ARHGAP24: variants seen among roughly 807,000 people sequenced by gnomAD.
ARHGAP24 encodes rho GTPase-activating protein 24.
In ARHGAP24, 50 loss-of-function variants were observed where a neutral mutation model predicts 76.4. That is an observed-to-expected ratio of 0.65 (90% CI 0.52 to 0.83). ARHGAP24 has a LOEUF of 0.83. ARHGAP24 is among the 40% of genes least tolerant of loss of function. ARHGAP24 has a pLI of 0.00. For synonymous variants in ARHGAP24, 345 were observed against 323.3 expected (o/e 1.07, Z -0.72); for missense variants, 930 against 914.2 (o/e 1.02, Z -0.22).
chr4:85,522,760 G>T (rs879032912), intron 1 of ARHGAP24, among the ~76,000 whole-genome samples: 2 of 152,090 alleles, frequency 1.3e-5, no homozygotes, highest in African/African-American at 4.8e-5. Context: ...TAAAACTCCT[G>T]CCTGTTTTGC....
At chr4:85,489,088 C>A (rs1206162446) in intron 1 of ARHGAP24, among the ~76,000 whole-genome samples, 2 of 152,126 alleles carry the variant, frequency 1.3e-5, no homozygotes, top group East Asian at 3.8e-4. Flanking sequence ...ATTAATTCAG[C>A]CTTCAAACCA....
chr4:85,835,105 G>A (rs1213498922), intron 3 of ARHGAP24, among the ~76,000 whole-genome samples: 1 of 152,102 alleles, frequency 6.6e-6, no homozygotes, highest in Non-Finnish European at 1.5e-5. Context: ...CATGTTTGCT[G>A]TCAGTCTGAT....
chr4:85,717,268 G>A (rs895646903), intron 2 of ARHGAP24, among the ~76,000 whole-genome samples: 5 of 152,016 alleles, frequency 3.3e-5, no homozygotes, highest in Non-Finnish European at 7.4e-5. Context: ...TTTAAGCTAT[G>A]ACTAGTTTCT....
chr4:85,618,401 AT>A (rs1371556783), intron 2 of ARHGAP24, among the ~76,000 whole-genome samples: 6 of 152,148 alleles, frequency 3.9e-5, no homozygotes, highest in African/African-American at 1.4e-4. Flanking sequence ...TCACAAGTTG[AT>A]TCCATATCCT....
At chr4:85,476,959 C>T (rs1435833580) in intron 1 of ARHGAP24, among the ~76,000 whole-genome samples, 1 of 152,138 alleles carries the variant, frequency 6.6e-6, no homozygotes, top group Non-Finnish European at 1.5e-5. Flanking sequence ...GTAGCAAGTC[C>T]AGAAATCTGT....
intron 3 of ARHGAP24, among the ~76,000 whole-genome samples, chr4:85,783,956 G>A (rs1484626775): frequency 6.6e-6 from 1 of 152,066 alleles, no homozygotes; most frequent in Non-Finnish European, 1.5e-5. Flanking sequence ...TCTTCTACAT[G>A]AAACAAACAA....
chr4:85,966,391 T>A (rs577260422), intron 5 of ARHGAP24, among the ~76,000 whole-genome samples: 1 of 152,180 alleles, frequency 6.6e-6, no homozygotes, highest in Non-Finnish European at 1.5e-5. Context: ...ACTAGTTCAA[T>A]GTAGTCCAGC....
At chr4:85,657,030 T>G (rs568782448) in intron 2 of ARHGAP24, among the ~76,000 whole-genome samples, 87 of 152,150 alleles carry the variant, frequency 5.7e-4, no homozygotes, top group Non-Finnish European at 2.9e-4. Flanking sequence ...ATTATAAAAA[T>G]GTAACATTGC....
intron 5 of ARHGAP24, among the ~76,000 whole-genome samples, chr4:85,945,889 A>T (rs1165248015): frequency 6.6e-6 from 1 of 152,010 alleles, no homozygotes; most frequent in Non-Finnish European, 1.5e-5. Context: ...ACTATTCTGT[A>T]TTGGTCTGTT....
chr4:85,802,389 A>C (rs1304442646), intron 3 of ARHGAP24, among the ~76,000 whole-genome samples: 2 of 152,238 alleles, frequency 1.3e-5, no homozygotes, highest in African/African-American at 4.8e-5. Flanking sequence ...TGTCTACCTA[A>C]CTGTGCTGCA....
intron 3 of ARHGAP24, among the ~76,000 whole-genome samples, chr4:85,789,510 A>C (rs1485494215): frequency 6.6e-6 from 1 of 152,162 alleles, no homozygotes; most frequent in Non-Finnish European, 1.5e-5. Flanking sequence ...GACACCAAAA[A>C]AGCAAAAACT....
chr4:85,844,524 A>G (rs1730768245), intron 3 of ARHGAP24, among the ~76,000 whole-genome samples: 1 of 152,224 alleles, frequency 6.6e-6, no homozygotes, highest in African/African-American at 2.4e-5. Flanking sequence ...ATTCACACAT[A>G]CATACAAACA....
At chr4:85,747,089 C>A (rs950497523) in intron 3 of ARHGAP24, among the ~76,000 whole-genome samples, 3 of 152,140 alleles carry the variant, frequency 2.0e-5, no homozygotes, top group African/African-American at 7.2e-5. Context: ...TCTTTTAAAA[C>A]CATTATAAAC....
At chr4:85,927,844 C>G (rs1736099249) in intron 4 of ARHGAP24, among the ~76,000 whole-genome samples, 1 of 152,160 alleles carries the variant, frequency 6.6e-6, no homozygotes, top group Admixed American at 6.5e-5. Flanking sequence ...AAAATATTCC[C>G]TCTTTGCCAT....
chr4:85,769,330 T>C (rs909201766), intron 3 of ARHGAP24, among the ~76,000 whole-genome samples: 1 of 152,226 alleles, frequency 6.6e-6, no homozygotes, highest in South Asian at 2.1e-4. Flanking sequence ...TGCACTTGTT[T>C]TTCTTAACCA....
At chr4:85,973,833 G>GTT (rs1199796194) in intron 6 of ARHGAP24, among the ~76,000 whole-genome samples, 522 of 42,784 alleles carry the variant, frequency 0.012, 160 homozygotes, top group African/African-American at 0.053. Context: ...GCTGCCTATT[G>GTT]TTTTTTTTTT....
At chr4:85,603,857 G>A (rs1462966033) in intron 2 of ARHGAP24, among the ~76,000 whole-genome samples, 1 of 152,104 alleles carries the variant, frequency 6.6e-6, no homozygotes, top group Non-Finnish European at 1.5e-5. Context: ...AATCAATTAA[G>A]CGTTGATTTT....
intron 3 of ARHGAP24, among the ~76,000 whole-genome samples, chr4:85,855,957 G>T (rs1402282235): frequency 6.6e-6 from 1 of 151,964 alleles, no homozygotes; most frequent in African/African-American, 2.4e-5. Context: ...AACTATTATG[G>T]CTAAAACTAC....
rs145725359 is a variant in ARHGAP24, at chr4:85,721,905, A to T, written c.201A>T (p.Gly67=). The change falls in exon 3 of 10, where the codon GGA becomes GGT. Residue 67 remains glycine, a synonymous_variant. Transcript: ENST00000395184. ...TKPLGTIFLP[G]NKVSEHPCNE... is the part of the protein sequence containing the mutation. Reference sequence around the variant, plus strand: ...CACAGGGTACTATTTTTCTGCCTGGAAATAAAGTTTCTGAGCATCCCTGCA... The same window carrying T: ...CACAGGGTACTATTTTTCTGCCTGGTAATAAAGTTTCTGAGCATCCCTGCA... The T allele has an allele frequency of 6.8e-5, 109 of 1,613,462 alleles. 1 individual carries two copies. The East Asian group carries it at 2.4e-3, about 36-fold the overall frequency.
Sources: gnomAD v4.1 joint callset for allele counts (sites outside exome capture counted in the v4.1 genomes callset) on GRCh38, gnomAD v4.1.1 for gene constraint, MANE v1.5 for transcripts, NCBI Gene and HGNC (gene_info 2026-07-23, HGNC 2026-07-21) for gene names.